NSD1: variants seen among roughly 807,000 people sequenced by gnomAD.
The protein encoded by NSD1 is histone-lysine N-methyltransferase, H3 lysine-36 specific.
In NSD1, 26 loss-of-function variants were observed where a neutral mutation model predicts 242.7. That is an observed-to-expected ratio of 0.11 (90% confidence interval 0.08 to 0.15). NSD1 has a LOEUF of 0.15. Among genes scored for constraint, NSD1 ranks in the 10% least tolerant of loss-of-function variants. NSD1 has a pLI of 1.00. For synonymous variants in NSD1, 1,106 were observed against 1,178.1 expected, an observed-to-expected ratio of 0.94 and a Z score of 1.25; for missense variants, 2,495 against 3,272.8, an observed-to-expected ratio of 0.76 and a Z score of 5.80.
chr5:177,138,456 A>T (rs527891224), intron 2 of NSD1, among the ~76,000 whole-genome samples: 2 of 152,178 alleles, frequency 1.3e-5, no homozygotes, highest in African/African-American at 4.8e-5. Context: ...AGGTTTCACC[A>T]TGTGGGCCAG....
rs34417228 is a variant in NSD1 at position 177,156,174 on chromosome 5, A to ATTTTTT, written c.927+20164_927+20169dup. On this transcript the variant is annotated intron_variant, in intron 2 of 22. Coordinates refer to ENST00000439151, the MANE Select transcript of NSD1 (RefSeq NM_022455.5). ...CGTACTCTTCCCTCGCTCTTTTCAG[A>ATTTTTT]TTTTTTTTTTTTTTTTTTTTTTTTT... is the stretch of plus-strand genomic sequence containing the variant. Among the ~76,000 whole-genome samples the ATTTTTT allele has an allele frequency of 2.7e-3, 210 of 78,000 alleles. 2 individuals carry two copies. The highest frequency in any genetic ancestry group is 7.1e-3 in the South Asian group (13 of 1,828). The allele number at this position is 78,000 out of a possible 152,430, so 51.2% of individuals were successfully genotyped here.
chr5:177,179,469 C>T (rs1301546717), intron 2 of NSD1, among the ~76,000 whole-genome samples: 1 of 152,242 alleles, frequency 6.6e-6, no homozygotes, highest in Non-Finnish European at 1.5e-5. Context: ...CCCACTTCAG[C>T]CTCCCAAAGT....
chr5:177,279,839 G>A (rs2127255533), intron 17 of NSD1, among the ~76,000 whole-genome samples: 2 of 149,928 alleles, frequency 1.3e-5, no homozygotes, highest in East Asian at 2.0e-4. Context: ...GGATGGTCTT[G>A]ATTTCCTGAC....
chr5:177,285,480 C>T (rs989355251), intron 20 of NSD1, among the ~76,000 whole-genome samples: 24 of 139,682 alleles, frequency 1.7e-4, no homozygotes, highest in Non-Finnish European at 2.9e-4. Context: ...AGGAGAATGG[C>T]GTGAACCCAG....
At chr5:177,139,839 G>A (rs1479551000) in intron 2 of NSD1, among the ~76,000 whole-genome samples, 1 of 151,902 alleles carries the variant, frequency 6.6e-6, no homozygotes, top group Admixed American at 6.6e-5. Context: ...TACTCAGGAG[G>A]CTGAGGCAGT....
At chr5:177,160,879 A>G (rs1758692933) in intron 2 of NSD1, among the ~76,000 whole-genome samples, 1 of 151,054 alleles carries the variant, frequency 6.6e-6, no homozygotes, top group African/African-American at 2.4e-5. Flanking sequence ...AGCAGTTCTC[A>G]TGCCTCAGCC....
At chr5:177,266,109 G>A in intron 14 of NSD1, 4 of 1,123,052 alleles carry the variant, frequency 3.6e-6, no homozygotes, top group Non-Finnish European at 5.4e-6. Flanking sequence ...AGTGTGGCCC[G>A]TTCTGGGAAG....
rs900861145 is a variant in NSD1 at position 177,251,668 on chromosome 5, C to T, written c.4642-62C>T. The T allele has an allele frequency of 2.5e-6, 4 of 1,576,686 alleles. No homozygotes were observed. The Admixed American group carries it at 6.7e-5, about 26-fold the overall frequency. On this transcript the variant is annotated intron_variant, in intron 11 of 22. Transcript: ENST00000439151. Reference sequence around the variant, plus strand: ...CTTTGTTTACTTTAACCCACTGACACTGGTTTTACTCTTGATTCTCAAACA... The same window carrying T: ...CTTTGTTTACTTTAACCCACTGACATTGGTTTTACTCTTGATTCTCAAACA...
intron 5 of NSD1, among the ~76,000 whole-genome samples, chr5:177,219,159 T>A (rs1764035873): frequency 1.3e-5 from 2 of 152,012 alleles, no homozygotes; most frequent in African/African-American, 4.8e-5. Context: ...ACTTCTCTCT[T>A]AGTAGTGTTT....
Position 177,210,216 on chromosome 5 carries a change from A to G in NSD1, c.1817A>G (p.Lys606Arg). The change falls in exon 5 of 23, where the codon AAG (lysine) becomes AGG (arginine). Residue 606 changes from lysine to arginine, a missense_variant. Lys to Arg is a conservative substitution (Grantham distance 26). This residue lies in a region of NSD1 where 515 missense variants were observed against 467.0 expected (regional missense o/e 1.10). Transcript: ENST00000439151. ...GALISKCSREKNKPQRSLVCG... is the reference protein window; with the variant it reads ...GALISKCSRERNKPQRSLVCG... The stretch of plus-strand genomic sequence containing the variant: ...TTGATCTCAAAGTGTTCTCGAGAGA[A>G]GAATAAACCCCAACGAAGCCTGGTG... 6.3e-7 allele frequency: 1 copy of G among 1,594,422 alleles called. No homozygotes were observed. Among genetic ancestry groups the G allele is most frequent in the Non-Finnish European group, 8.5e-7 (1 of 1,171,306 alleles).
chr5:177,283,748 C>T (rs755775568), intron 19 of NSD1, 39 bp from the exon 20 acceptor site: 1 of 1,611,606 alleles, frequency 6.2e-7, no homozygotes, highest in East Asian at 2.2e-5. Context: ...CAGCAGAGGT[C>T]TCAGGAAGTC....
At chr5:177,166,190 G>A (rs956882684) in intron 2 of NSD1, among the ~76,000 whole-genome samples, 4 of 151,796 alleles carry the variant, frequency 2.6e-5, no homozygotes, top group East Asian at 2.0e-4. Context: ...CGGGATTACA[G>A]GCATGAGCCA....
intron 3 of NSD1, among the ~76,000 whole-genome samples, chr5:177,201,991 A>C (rs1467141881): frequency 6.6e-6 from 1 of 151,888 alleles, no homozygotes; most frequent in Admixed American, 6.6e-5. Flanking sequence ...ACATGAGGAA[A>C]TCTCGTCTTT....
intron 2 of NSD1, among the ~76,000 whole-genome samples, chr5:177,189,100 G>A (rs1484726021): frequency 1.3e-5 from 2 of 152,076 alleles, no homozygotes; most frequent in African/African-American, 4.8e-5. Flanking sequence ...TCTTACCCTA[G>A]AATTAGGAAT....
chr5:177,252,371 G>C (rs1756041187), intron 12 of NSD1, among the ~76,000 whole-genome samples: 1 of 151,990 alleles, frequency 6.6e-6, no homozygotes, highest in Non-Finnish European at 1.5e-5. Flanking sequence ...ATACTCTTAG[G>C]ATGCGTGTAC....
chr5:177,192,655 C>G (rs1425100834), intron 3 of NSD1, among the ~76,000 whole-genome samples: 1 of 152,218 alleles, frequency 6.6e-6, no homozygotes, highest in African/African-American at 2.4e-5. Flanking sequence ...CTTGGCCTCC[C>G]AAAGTGCTGA....
intron 2 of NSD1, among the ~76,000 whole-genome samples, chr5:177,159,022 A>ATATATATATATATATG (rs1215294756): frequency 1.6e-3 from 197 of 121,378 alleles, no homozygotes; most frequent in Non-Finnish European, 2.3e-3. Context: ...ATATATATAT[A>ATATATATATATATATG]TATGAATGAT....
At chr5:177,144,896 C>A (rs1419888806) in intron 2 of NSD1, among the ~76,000 whole-genome samples, 2 of 151,880 alleles carry the variant, frequency 1.3e-5, no homozygotes, top group East Asian at 1.9e-4. Flanking sequence ...GCCTGGCCAA[C>A]GTAGTGAAAC....
chr5:177,272,970 G>A (rs766488891), intron 16 of NSD1, among the ~76,000 whole-genome samples: 7 of 152,168 alleles, frequency 4.6e-5, no homozygotes, highest in Non-Finnish European at 1.0e-4. Flanking sequence ...TACACAACAA[G>A]TCTTAGGATA....
Sources: allele counts gnomAD v4.1 joint callset (sites outside exome capture counted in the v4.1 genomes callset), GRCh38; gene constraint gnomAD v4.1.1; regional missense constraint gnomAD v4.1.1; transcripts MANE v1.5; gene names NCBI Gene and HGNC (gene_info 2026-07-23, HGNC 2026-07-21).